PDZD2: variants seen among roughly 807,000 people sequenced by gnomAD.
PDZD2 encodes the protein PDZ domain-containing protein 2.
In PDZD2, 90 loss-of-function variants were observed where a neutral mutation model predicts 220.7. The ratio of observed to expected loss-of-function variants is 0.41; its 90% CI spans 0.34 to 0.49. The LOEUF (loss-of-function observed/expected upper bound fraction) is 0.49. Among genes scored for constraint, PDZD2 ranks in the 20% least tolerant of loss-of-function variants. The pLI, the probability that PDZD2 is intolerant of heterozygous loss-of-function variation, is 0.28. For missense variants in PDZD2, 3,174 were observed against 3,608.5 expected (o/e 0.88, Z 3.08); for synonymous variants, 1,375 against 1,450.5 (o/e 0.95, Z 1.18).
chr5:31,760,292 A>T (rs1219646140), intron 1 of PDZD2, among the ~76,000 whole-genome samples: 1 of 152,266 alleles, frequency 6.6e-6, no homozygotes, highest in Non-Finnish European at 1.5e-5. Flanking sequence ...TGAACCAAAC[A>T]TAGTTTCTGG....
chr5:31,925,411 G>T (rs181214974), intron 2 of PDZD2, among the ~76,000 whole-genome samples: 7 of 152,254 alleles, frequency 4.6e-5, no homozygotes, highest in Non-Finnish European at 8.8e-5. Context: ...TTAGCCATAT[G>T]CAGAAGAATG....
In PDZD2 at chr5:31,708,596, G is replaced by C. The variant is rs1262137844; in HGVS notation, c.-361+69159G>C. Among the ~76,000 whole-genome samples, 8 of 152,292 alleles carry C rather than the reference G, an allele frequency of 5.3e-5. No individual in the cohort carries two copies. In the East Asian group the frequency reaches 1.5e-3, roughly 29 times the overall value. On this transcript the variant is annotated intron_variant, in intron 1 of 24. Transcript: ENST00000438447. ...AGGAAATGCTATTTCTGAAAATCATGATTTATTTGTAAAGTTGGGCCACCA... is the reference window on the plus strand; with the variant it reads ...AGGAAATGCTATTTCTGAAAATCATCATTTATTTGTAAAGTTGGGCCACCA...
chr5:31,866,593 T>A (rs1400289308), intron 2 of PDZD2, among the ~76,000 whole-genome samples: 1 of 152,056 alleles, frequency 6.6e-6, no homozygotes, highest in Non-Finnish European at 1.5e-5. Flanking sequence ...AATTATTTTT[T>A]AAAAAAGAAG....
At chr5:31,781,329 G>T (rs956071712) in intron 1 of PDZD2, among the ~76,000 whole-genome samples, 1 of 152,198 alleles carries the variant, frequency 6.6e-6, no homozygotes, top group African/African-American at 2.4e-5. Flanking sequence ...CAGGAGAATC[G>T]CTTGAACCCA....
intron 2 of PDZD2, among the ~76,000 whole-genome samples, chr5:31,888,192 C>T (rs1190268626): frequency 6.6e-6 from 1 of 151,016 alleles, no homozygotes; most frequent in African/African-American, 2.4e-5. Context: ...CTTCTCTTTT[C>T]TCTTTCCTTC....
intron 1 of PDZD2, among the ~76,000 whole-genome samples, chr5:31,671,299 G>T (rs1335628403): frequency 6.6e-6 from 1 of 152,164 alleles, no homozygotes; most frequent in African/African-American, 2.4e-5. Flanking sequence ...ACATAGAAAG[G>T]GTAAGAGCAG....
intron 3 of PDZD2, among the ~76,000 whole-genome samples, chr5:31,986,140 A>C (rs1187832011): frequency 2.6e-5 from 4 of 151,948 alleles, no homozygotes; most frequent in African/African-American, 9.7e-5. Context: ...CACATATCAC[A>C]GTTCCTTTGC....
At position 32,083,184 on chromosome 5, in the gene PDZD2, T is replaced by C. The variant is rs1561536484; in HGVS notation, c.3683-3947T>C. On this transcript the variant is annotated intron_variant, in intron 19 of 24. Transcript: ENST00000438447. This position sits in a 1 kb window ranked among gnomAD's most constrained non-coding sequence, Gnocchi z 4.1. ...ATAAATATATAGTCCTGTGCTTTTT[T>C]TGTCTTTTTGCCAAAAAAAAAAAAA... Among the ~76,000 whole-genome samples the C allele has an allele frequency of 6.9e-6, 1 of 143,924 alleles. No individual in the cohort carries two copies. The allele number at this position is 143,924 out of a possible 152,430, so 94.4% of individuals were successfully genotyped here.
At chr5:31,920,557 G>A (rs1164685625) in intron 2 of PDZD2, among the ~76,000 whole-genome samples, 1 of 150,864 alleles carries the variant, frequency 6.6e-6, no homozygotes, top group East Asian at 2.0e-4. Flanking sequence ...CTGTAATCTG[G>A]GCTATAGGGA....
chr5:31,831,370 C>G (rs543278103), intron 2 of PDZD2, among the ~76,000 whole-genome samples: 2 of 152,068 alleles, frequency 1.3e-5, no homozygotes, highest in South Asian at 4.2e-4. Flanking sequence ...AATCCCAGCA[C>G]TTTGGGAGGC....
chr5:32,057,666 C>T lies in PDZD2; in HGVS notation c.1912C>T (p.Leu638=). The T allele has an allele frequency of 1.3e-6, 2 of 1,578,052 alleles. No individual in the cohort carries two copies. The highest frequency in any genetic ancestry group is 1.7e-6 in the Non-Finnish European group (2 of 1,150,192). Reference sequence around the variant, plus strand: ...CATTTGATCACTAGGGGATGAAATCCTAGATGTAAATGGAATACCAATAAA... The same window carrying T: ...CATTTGATCACTAGGGGATGAAATCTTAGATGTAAATGGAATACCAATAAA... The part of the protein sequence containing the change: ...DGRLKEGDEI[L]DVNGIPIKGL... The change falls in exon 11 of 25, where the codon CTA becomes TTA. Residue 638 remains leucine (L), a synonymous_variant. Transcript: ENST00000438447.
intron 7 of PDZD2, among the ~76,000 whole-genome samples, chr5:32,038,721 G>T (rs1197366422): frequency 6.6e-6 from 1 of 152,032 alleles, no homozygotes; most frequent in East Asian, 1.9e-4. Context: ...AGTCAGCCGT[G>T]GCTCCCCCTA....
intron 2 of PDZD2, among the ~76,000 whole-genome samples, chr5:31,949,124 T>C (rs948851420): frequency 8.6e-5 from 9 of 104,268 alleles, no homozygotes; most frequent in Non-Finnish European, 1.6e-4. Flanking sequence ...AAAAAAAAAA[T>C]AGTGTTCCTG....
intron 1 of PDZD2, among the ~76,000 whole-genome samples, chr5:31,723,982 G>A (rs1403933850): frequency 6.6e-6 from 1 of 152,072 alleles, no homozygotes; most frequent in Non-Finnish European, 1.5e-5. Context: ...GAAGAGGCAG[G>A]AAATTTTGAT....
At chr5:31,727,541 A>T (rs184864387) in intron 1 of PDZD2, among the ~76,000 whole-genome samples, 27 of 151,806 alleles carry the variant, frequency 1.8e-4, no homozygotes, top group Non-Finnish European at 3.5e-4. Flanking sequence ...TCTACTAAAA[A>T]TACAAACAAT....
At chr5:31,886,868 T>G (rs1262367987) in intron 2 of PDZD2, among the ~76,000 whole-genome samples, 1 of 152,152 alleles carries the variant, frequency 6.6e-6, no homozygotes, top group Non-Finnish European at 1.5e-5. Flanking sequence ...CAGCTATTTT[T>G]TTGTATTTTT....
chr5:31,796,254 A>G (rs994496760), intron 1 of PDZD2, among the ~76,000 whole-genome samples: 6 of 152,154 alleles, frequency 3.9e-5, no homozygotes, highest in Non-Finnish European at 7.3e-5. Flanking sequence ...AAATTTTACA[A>G]TGTAATTTAT....
rs574499280 is a variant in PDZD2, at chr5:31,933,506, C to T, written c.477-49649C>T. 3.3e-5 allele frequency among the ~76,000 whole-genome samples: 5 copies of T among 152,126 alleles called. No individual in the cohort carries two copies. The South Asian group carries it at 6.2e-4, about 19-fold the overall frequency. ...CTCCTGCTGGGGATTTCTGGGATTG[C>T]CCTCTTTGTTACCTTTCTGTTTTAG... On this transcript the variant is annotated intron_variant, in intron 2 of 24. Transcript: ENST00000438447.
intron 2 of PDZD2, among the ~76,000 whole-genome samples, chr5:31,971,518 A>G (rs778965091): frequency 2.0e-5 from 3 of 152,300 alleles, no homozygotes; most frequent in East Asian, 3.9e-4. Context: ...CCATAGTACC[A>G]TCTCGACTCC....
Sources: gnomAD v4.1 joint callset for allele counts (sites outside exome capture counted in the v4.1 genomes callset) on GRCh38, gnomAD v4.1.1 for gene constraint, Gnocchi (gnomAD v3.1) non-coding constraint, MANE v1.5 for transcripts, NCBI Gene and HGNC (gene_info 2026-07-23, HGNC 2026-07-21) for gene names.